Variants in DAPK1 observed in about 807,000 individuals in gnomAD.
DAPK1 encodes death associated protein kinase 1.
Under a neutral mutation model 144.9 loss-of-function variants are expected in DAPK1, and 56 were observed. The observed-to-expected ratio is 0.39, with a 90% CI of 0.31 to 0.48. The LOEUF is 0.48. DAPK1 is among the 20% of genes least tolerant of loss of function. The probability of loss-of-function intolerance (pLI) is 0.95; values close to 1 mark genes in which losing one functional copy is unlikely to be tolerated. For synonymous variants in DAPK1, 690 were observed against 749.0 expected (o/e 0.92, Z 1.29); for missense variants, 1,454 against 1,875.4 (o/e 0.78, Z 4.15).
intron 20 of DAPK1, among the ~76,000 whole-genome samples, chr9:87,682,063 C>A (rs1443017329): frequency 6.6e-6 from 1 of 152,174 alleles, no homozygotes; most frequent in Non-Finnish European, 1.5e-5. Context: ...ATCCTTCTTT[C>A]TGGAGTGCTA....
intron 2 of DAPK1, among the ~76,000 whole-genome samples, chr9:87,574,262 G>T (rs570767254): frequency 6.6e-6 from 1 of 152,322 alleles, no homozygotes; most frequent in Non-Finnish European, 1.5e-5. Flanking sequence ...ACTAGCAAAA[G>T]TAGTCTTTAT....
At chr9:87,696,869 A>C (rs1825276702) in intron 21 of DAPK1, 138 bp from the exon 22 acceptor site, 3 of 696,168 alleles carry the variant, frequency 4.3e-6, no homozygotes, top group Non-Finnish European at 8.0e-6. Context: ...CCCAAGTCAT[A>C]ACAAGATGTA....
At chr9:87,628,874 A>G (rs1392397562) in intron 3 of DAPK1, among the ~76,000 whole-genome samples, 1 of 152,226 alleles carries the variant, frequency 6.6e-6, no homozygotes, top group Admixed American at 6.5e-5. Context: ...TCACAGGGGA[A>G]TCCAAATGCA....
At chr9:87,644,186 A>G (rs1450933078) in intron 11 of DAPK1, among the ~76,000 whole-genome samples, 1 of 152,168 alleles carries the variant, frequency 6.6e-6, no homozygotes, top group Non-Finnish European at 1.5e-5. Flanking sequence ...TTTATTTTCC[A>G]ATTTCTAGCC....
chr9:87,510,495 C>T (rs777739269), intron 2 of DAPK1, among the ~76,000 whole-genome samples: 1 of 152,226 alleles, frequency 6.6e-6, no homozygotes, highest in Non-Finnish European at 1.5e-5. Context: ...GGCTACTCCT[C>T]CAGGAAGGCT....
chr9:87,626,393 C>A (rs1462780377), intron 3 of DAPK1, among the ~76,000 whole-genome samples: 3 of 152,174 alleles, frequency 2.0e-5, no homozygotes, highest in Middle Eastern at 3.4e-3. Context: ...CCAGCATGGG[C>A]AACAAGAGCA....
rs145410762 is a variant in DAPK1, at chr9:87,649,715, C to T, written c.1429-206C>T. ...GGAAGGAAAACTAATGAAAGAGAGACATCAGATCTACCTCTTAATGCTGGT... is the reference window on the plus strand; with the variant it reads ...GGAAGGAAAACTAATGAAAGAGAGATATCAGATCTACCTCTTAATGCTGGT... On this transcript the variant is annotated intron_variant, in intron 15 of 25. Coordinates refer to ENST00000408954, the MANE Select transcript of DAPK1 (RefSeq NM_004938.4). 2.9e-3 allele frequency among the ~76,000 whole-genome samples: 442 copies of T among 152,268 alleles called. 7 individuals carry two copies. Among genetic ancestry groups the T allele is most frequent in the African/African-American group, 9.9e-3 (410 of 41,548 alleles).
chr9:87,685,894 C>T (rs1004566615), intron 20 of DAPK1, among the ~76,000 whole-genome samples: 28 of 152,182 alleles, frequency 1.8e-4, no homozygotes, highest in Admixed American at 1.8e-3. Context: ...CGCTAAACGC[C>T]AATGCCCACA....
intron 2 of DAPK1, among the ~76,000 whole-genome samples, chr9:87,517,725 A>G (rs986617008): frequency 7.2e-5 from 11 of 152,184 alleles, no homozygotes; most frequent in South Asian, 2.1e-4. Context: ...ACAGCCCCAT[A>G]AAAGTGCAAA....
At chr9:87,579,047 T>C (rs568378303) in intron 2 of DAPK1, among the ~76,000 whole-genome samples, 136 of 152,336 alleles carry the variant, frequency 8.9e-4, no homozygotes, top group African/African-American at 3.2e-3. Flanking sequence ...TCTGGGATAT[T>C]GCAGCAAAAG....
chr9:87,571,498 A>AACACACACAC (rs768913480), intron 2 of DAPK1, among the ~76,000 whole-genome samples: 1,314 of 46,482 alleles, frequency 0.028, 158 homozygotes, highest in Non-Finnish European at 0.037. Context: ...CACACACCCC[A>AACACACACAC]ACACACACAC....
chr9:87,668,085 A>G (rs1442801413), intron 18 of DAPK1: 1 of 153,610 alleles, frequency 6.5e-6, no homozygotes, highest in Non-Finnish European at 1.5e-5. Context: ...TCTGTTCACC[A>G]AAAGATCTTT....
intron 2 of DAPK1, among the ~76,000 whole-genome samples, chr9:87,557,998 G>A (rs1826780743): frequency 6.6e-6 from 1 of 152,206 alleles, no homozygotes; most frequent in African/African-American, 2.4e-5. Flanking sequence ...TCTCTTGTTG[G>A]ATAAGTCAGT....
In DAPK1 at chr9:87,646,032, C is replaced by T. The variant is rs1043348549; in HGVS notation, c.1131+18C>T. The T allele has an allele frequency of 1.6e-5, 25 of 1,610,936 alleles. No homozygotes were observed. The highest frequency in any genetic ancestry group is 4.0e-5 in the African/African-American group (3 of 74,832). On this transcript the variant is annotated intron_variant, in intron 12 of 25. Coordinates refer to ENST00000408954, the MANE Select transcript of DAPK1 (RefSeq NM_004938.4). Reference sequence around the variant, plus strand: ...CCAACAAGGTCTGGTTCTGTTCTGCCGCATACTGGAGGGGTGGGTCACAGC... The same window carrying T: ...CCAACAAGGTCTGGTTCTGTTCTGCTGCATACTGGAGGGGTGGGTCACAGC...
At chr9:87,524,927 A>G (rs550380263) in intron 2 of DAPK1, among the ~76,000 whole-genome samples, 1 of 152,276 alleles carries the variant, frequency 6.6e-6, no homozygotes, top group Admixed American at 6.5e-5. Flanking sequence ...AAAGACTACA[A>G]ATGGGGTGCA....
At chr9:87,508,405 C>T (rs1022467069) in intron 2 of DAPK1, among the ~76,000 whole-genome samples, 13 of 149,386 alleles carry the variant, frequency 8.7e-5, no homozygotes, top group South Asian at 2.1e-4. Context: ...TGCAGTGGCG[C>T]GATTTCGGCT....
At chr9:87,589,022 G>A (rs1300184092) in intron 2 of DAPK1, among the ~76,000 whole-genome samples, 1 of 149,884 alleles carries the variant, frequency 6.7e-6, no homozygotes, top group Non-Finnish European at 1.5e-5. Context: ...CCAAGTAGCT[G>A]GGATTACAGG....
intron 18 of DAPK1, among the ~76,000 whole-genome samples, chr9:87,663,769 C>T (rs1374524452): frequency 2.0e-5 from 3 of 152,110 alleles, no homozygotes; most frequent in South Asian, 2.1e-4. Context: ...CCCTCGGCCC[C>T]CCCACACCAG....
Position 87,605,038 on chromosome 9 carries a change from T to G in DAPK1, c.147T>G (p.Thr49=), listed in dbSNP as rs200192051. The change falls in exon 3 of 26, where the codon ACT becomes ACG. Residue 49 remains threonine (T), a synonymous_variant. Coordinates refer to ENST00000408954, the MANE Select transcript of DAPK1 (RefSeq NM_004938.4). ...CCAAATTCATCAAGAAAAGGAGGAC[T>G]AAGTCCAGCCGGCGGGGTGTGAGCC... The part of the protein sequence containing the change: ...YAAKFIKKRR[T]KSSRRGVSRE... 33 of 1,614,070 alleles carry G rather than the reference T, an allele frequency of 2.0e-5. No individual in the cohort carries two copies. Among genetic ancestry groups the G allele is most frequent in the Non-Finnish European group, 2.6e-5 (31 of 1,180,036 alleles).
Sources: gnomAD v4.1 joint callset for allele counts (sites outside exome capture counted in the v4.1 genomes callset) on GRCh38, gnomAD v4.1.1 for gene constraint, MANE v1.5 for transcripts, NCBI Gene and HGNC (gene_info 2026-07-23, HGNC 2026-07-21) for gene names.